Variants in NRTN observed in about 807,000 individuals in gnomAD.
NRTN encodes prepro-neurturin.
NRTN carries 3 observed loss-of-function variants against 7.5 expected under a neutral mutation model. That is an observed-to-expected ratio of 0.40 (90% CI 0.18 to 1.03). NRTN has a LOEUF of 1.03. Ranked by LOEUF, NRTN falls within the 50% of genes least tolerant of loss-of-function variation. The pLI is 0.34. For synonymous variants in NRTN, 157 were observed against 146.6 expected (o/e 1.07, Z -0.51); for missense variants, 310 against 307.0 (o/e 1.01, Z -0.07).
intron 1 of NRTN, among the ~76,000 whole-genome samples, chr19:5,819,424 G>C (rs912613176): frequency 3.3e-5 from 5 of 152,186 alleles, no homozygotes; most frequent in Non-Finnish European, 7.3e-5. Flanking sequence ...CACTTGGGGA[G>C]GCCAAAGCGG....
At chr19:5,813,580 A>G (rs1055252582) in intron 1 of NRTN, among the ~76,000 whole-genome samples, 1 of 152,062 alleles carries the variant, frequency 6.6e-6, no homozygotes, top group Non-Finnish European at 1.5e-5. Context: ...AGGCTGAGGC[A>G]GGAAAATTGC....
In NRTN at chr19:5,827,944, A is replaced by G; in HGVS notation, c.365A>G (p.Asp122Gly). The G allele has an allele frequency of 6.7e-7, 1 of 1,486,270 alleles. No homozygotes were observed. Among genetic ancestry groups the G allele is most frequent in the Non-Finnish European group, 8.9e-7 (1 of 1,123,680 alleles). 92.1% of individuals were successfully genotyped at this position (1,486,270 alleles called of 1,614,324 possible). A position where few individuals can be genotyped will look rare whatever the true frequency, so the allele number is the denominator to read the frequency against. Reference protein sequence around the residue: ...VSELGLGYASDETVLFRYCAG... With the variant: ...VSELGLGYASGETVLFRYCAG... ...GAGCTGGGCCTGGGCTACGCGTCCGACGAGACGGTGCTGTTCCGCTACTGC... is the reference window on the plus strand; with the variant it reads ...GAGCTGGGCCTGGGCTACGCGTCCGGCGAGACGGTGCTGTTCCGCTACTGC... Residue 122 changes from aspartate to glycine, a missense_variant, in exon 3 of 3, where the codon GAC becomes GGC. Coordinates refer to ENST00000303212, the MANE Select transcript of NRTN (RefSeq NM_004558.5).
At position 5,805,343 on chromosome 19, in the gene NRTN, C is replaced by T. The variant is rs1040970050; in HGVS notation, c.-507C>T. On this transcript the variant is annotated 5_prime_UTR_variant, in exon 1 of 3. Coordinates refer to ENST00000303212, the MANE Select transcript of NRTN (RefSeq NM_004558.5). ...CGCGGCCGCCCCCTCCGGCCCGGGC[C>T]CCCCCCGGGCACCGCGGGCCCAGGC... Among the ~76,000 whole-genome samples the T allele has an allele frequency of 1.2e-4, 16 of 137,140 alleles. No homozygotes were observed. In the South Asian group the frequency reaches 2.9e-3, roughly 25 times the overall value. 90.0% of individuals were successfully genotyped at this position (137,140 alleles called of 152,430 possible). A position where few individuals can be genotyped will look rare whatever the true frequency, so the allele number is the denominator to read the frequency against.
At chr19:5,820,135 A>G (rs10417568) in intron 1 of NRTN, among the ~76,000 whole-genome samples, 44,067 of 143,896 alleles carry the variant, frequency 0.31, 7,519 homozygotes, top group East Asian at 0.48. Context: ...GCGTGGTGGC[A>G]GACGCCTGTA....
intron 1 of NRTN, among the ~76,000 whole-genome samples, chr19:5,819,683 A>T (rs1349652444): frequency 1.8e-5 from 2 of 110,990 alleles, no homozygotes; most frequent in Non-Finnish European, 1.7e-5. Flanking sequence ...TAAAAATTTT[A>T]AAAAATAAAT....
intron 1 of NRTN, among the ~76,000 whole-genome samples, chr19:5,816,448 G>A (rs910819007): frequency 2.0e-5 from 3 of 151,880 alleles, no homozygotes; most frequent in Admixed American, 1.3e-4. Flanking sequence ...GTGCAGTCTC[G>A]GCTCGCTGCA....
At chr19:5,815,248 T>G (rs1185160201) in intron 1 of NRTN, among the ~76,000 whole-genome samples, 1 of 152,234 alleles carries the variant, frequency 6.6e-6, no homozygotes, top group South Asian at 2.1e-4. Flanking sequence ...GAGACCGGAT[T>G]ACCACGTGTG....
chr19:5,826,894 G>GA (rs2057048581), intron 2 of NRTN, among the ~76,000 whole-genome samples: 4 of 152,206 alleles, frequency 2.6e-5, no homozygotes, highest in African/African-American at 9.7e-5. Flanking sequence ...CAGGAAGAAT[G>GA]ACCTTTAAGC....
intron 1 of NRTN, among the ~76,000 whole-genome samples, chr19:5,814,913 G>T (rs2057000336): frequency 6.6e-6 from 1 of 152,190 alleles, no homozygotes; most frequent in Non-Finnish European, 1.5e-5. Context: ...GGTTCTCCAG[G>T]ATTTCTACGT....
intron 1 of NRTN, among the ~76,000 whole-genome samples, chr19:5,813,842 A>G (rs1412746414): frequency 6.6e-6 from 1 of 151,716 alleles, no homozygotes; most frequent in African/African-American, 2.4e-5. Context: ...TCTGTCTCAA[A>G]AGACAAAATA....
At chr19:5,807,331 C>A (rs1370869387) in intron 1 of NRTN, among the ~76,000 whole-genome samples, 1 of 152,122 alleles carries the variant, frequency 6.6e-6, no homozygotes, top group East Asian at 1.9e-4. Context: ...TCTGGAGTCA[C>A]TGGGCTGGAC....
chr19:5,821,358 G>A (rs1309992455), intron 1 of NRTN, among the ~76,000 whole-genome samples: 2 of 131,694 alleles, frequency 1.5e-5, no homozygotes, highest in African/African-American at 5.9e-5. Context: ...AGGCTGGAGT[G>A]CAGTGGTGCA....
rs1228925930 is a variant in NRTN at position 5,824,258 on chromosome 19, C to T, written c.93C>T (p.His31=). The change falls in exon 2 of 3, where the codon CAC becomes CAT. Residue 31 remains histidine, a synonymous_variant. Coordinates refer to ENST00000303212, the MANE Select transcript of NRTN (RefSeq NM_004558.5). ...GTCGAGAGGGCCTGCTTCTCAGCCA[C>T]CGCCTCGGACCTGCGCTGGTCCCCC... is the stretch of plus-strand genomic sequence containing the variant. ...WMCREGLLLS[H]RLGPALVPLH... 1 of 1,611,604 alleles carries T rather than the reference C, an allele frequency of 6.2e-7. No homozygotes were observed. Among genetic ancestry groups the T allele is most frequent in the Non-Finnish European group, 8.5e-7 (1 of 1,179,662 alleles).
chr19:5,816,958 G>A (rs997736659), intron 1 of NRTN, among the ~76,000 whole-genome samples: 2 of 152,186 alleles, frequency 1.3e-5, no homozygotes, highest in Non-Finnish European at 2.9e-5. Flanking sequence ...TCATGCGGTG[G>A]TGTTCTGGTG....
intron 1 of NRTN, among the ~76,000 whole-genome samples, chr19:5,822,479 C>A (rs3763045): frequency 0.18 from 27,354 of 152,248 alleles, 3,145 homozygotes; most frequent in South Asian, 0.31. Context: ...GCCCAGACGG[C>A]GTCGAGTGTG....
intron 1 of NRTN, among the ~76,000 whole-genome samples, chr19:5,810,792 G>A (rs1472783285): frequency 1.3e-5 from 2 of 151,544 alleles, no homozygotes; most frequent in East Asian, 3.9e-4. Context: ...AGCTGGACAT[G>A]GTGGCTCGTG....
At chr19:5,815,489 T>C (rs1356595101) in intron 1 of NRTN, among the ~76,000 whole-genome samples, 1 of 147,288 alleles carries the variant, frequency 6.8e-6, no homozygotes, top group African/African-American at 2.5e-5. Context: ...TGGAGTACAG[T>C]GGCGCGATCT....
At chr19:5,807,732 C>T (rs752256695) in intron 1 of NRTN, among the ~76,000 whole-genome samples, 2 of 152,214 alleles carry the variant, frequency 1.3e-5, no homozygotes, top group Non-Finnish European at 2.9e-5. Flanking sequence ...GGGCACTGTT[C>T]GTGCTTAAAT....
intron 1 of NRTN, among the ~76,000 whole-genome samples, chr19:5,805,915 C>A (rs891754325): frequency 2.6e-5 from 4 of 152,092 alleles, no homozygotes; most frequent in African/African-American, 9.6e-5. Flanking sequence ...CAGAAGTAAA[C>A]ATCTGTCAGT....
Sources: gnomAD v4.1 joint callset for allele counts (sites outside exome capture counted in the v4.1 genomes callset) on GRCh38, gnomAD v4.1.1 for gene constraint, MANE v1.5 for transcripts, NCBI Gene and HGNC (gene_info 2026-07-23, HGNC 2026-07-21) for gene names.